Variants in TNR observed in about 807,000 individuals in gnomAD.
The protein encoded by TNR is tenascin-R.
A neutral mutation model predicts 150.4 loss-of-function variants in TNR; 45 were observed. The ratio of observed to expected loss-of-function variants is 0.30; its 90% confidence interval spans 0.24 to 0.38. The LOEUF is 0.38. Ranked by LOEUF, TNR falls within the 10% of genes least tolerant of loss-of-function variation. The pLI, the probability that TNR is intolerant of heterozygous loss-of-function variation, is 1.00. For synonymous variants in TNR, 687 were observed against 678.4 expected, an observed-to-expected ratio of 1.01 and a Z score of -0.20; for missense variants, 1,544 against 1,759.1, an observed-to-expected ratio of 0.88 and a Z score of 2.19.
chr1:175,732,559 T>G (rs1667672733), intron 1 of TNR, among the ~76,000 whole-genome samples: 1 of 152,260 alleles, frequency 6.6e-6, no homozygotes, highest in South Asian at 2.1e-4. Flanking sequence ...GTGACTGCTC[T>G]GGTCTTACTT....
At position 175,356,303 on chromosome 1, in the gene TNR, G is replaced by A; in HGVS notation, c.3118+16C>T. ...AGTCCCCAGGGATACGGGTATGTAG[G>A]TGACCATGTACTCACGAGTAGAAAA... On this transcript the variant is annotated intron_variant, in intron 16 of 22. Coordinates refer to ENST00000367674, the MANE Select transcript of TNR (RefSeq NM_003285.3). 6.2e-7 allele frequency: 1 copy of A among 1,613,776 alleles called. No homozygotes were observed. Among genetic ancestry groups the A allele is most frequent in the Non-Finnish European group, 8.5e-7 (1 of 1,179,810 alleles).
intron 1 of TNR, among the ~76,000 whole-genome samples, chr1:175,562,026 G>T (rs1026946896): frequency 2.6e-5 from 4 of 152,100 alleles, no homozygotes; most frequent in Non-Finnish European, 4.4e-5. Context: ...ATGACTTCCT[G>T]CCATCACCTG....
At chr1:175,620,218 A>G (rs553068195) in intron 1 of TNR, among the ~76,000 whole-genome samples, 17 of 152,150 alleles carry the variant, frequency 1.1e-4, no homozygotes, top group Non-Finnish European at 2.1e-4. Flanking sequence ...AGGATAGACA[A>G]AGTGCTTAGT....
intron 1 of TNR, among the ~76,000 whole-genome samples, chr1:175,703,998 T>C (rs1392808061): frequency 6.6e-6 from 1 of 152,222 alleles, no homozygotes; most frequent in East Asian, 1.9e-4. Context: ...CTTTGTGTTA[T>C]CTTATTTTTT....
chr1:175,458,799 A>G (rs972822905), intron 2 of TNR, among the ~76,000 whole-genome samples: 1 of 152,188 alleles, frequency 6.6e-6, no homozygotes, highest in Non-Finnish European at 1.5e-5. Flanking sequence ...CTTAAGAAAA[A>G]ATATTTTGAA....
intron 20 of TNR, among the ~76,000 whole-genome samples, chr1:175,330,998 A>ATTCATTCTTTCT (rs1649722866): frequency 1.2e-4 from 9 of 72,826 alleles, no homozygotes; most frequent in East Asian, 4.9e-4. Context: ...CCTCTTGGTG[A>ATTCATTCTTTCT]TTCTTTCTTT....
intron 1 of TNR, among the ~76,000 whole-genome samples, chr1:175,732,810 C>T (rs1025733123): frequency 2.0e-5 from 3 of 152,230 alleles, no homozygotes; most frequent in African/African-American, 7.2e-5. Flanking sequence ...GGGTTAATAA[C>T]AGCACCTCAT....
At chr1:175,552,140 T>TTGTCC (rs1161803035) in intron 1 of TNR, among the ~76,000 whole-genome samples, 5 of 152,156 alleles carry the variant, frequency 3.3e-5, no homozygotes, top group Non-Finnish European at 7.4e-5. Flanking sequence ...TCTTATAGTA[T>TTGTCC]TGTTTGACTT....
At chr1:175,552,198 T>A (rs1003965) in intron 1 of TNR, among the ~76,000 whole-genome samples, 20,500 of 152,146 alleles carry the variant, frequency 0.13, 1,505 homozygotes, top group Non-Finnish European at 0.17. Context: ...ACTATCTAAT[T>A]TACACAGTAC....
chr1:175,598,635 G>A (rs1246745686), intron 1 of TNR, among the ~76,000 whole-genome samples: 1 of 152,244 alleles, frequency 6.6e-6, no homozygotes, highest in East Asian at 1.9e-4. Context: ...GGTTATGAGT[G>A]TCTAGAACTG....
chr1:175,388,948 C>T (rs1262892129), intron 7 of TNR, among the ~76,000 whole-genome samples: 1 of 152,206 alleles, frequency 6.6e-6, no homozygotes, highest in Non-Finnish European at 1.5e-5. Context: ...TGTCAATATT[C>T]TAGGAGAAAA....
At chr1:175,736,469 C>T (rs867822873) in intron 1 of TNR, among the ~76,000 whole-genome samples, 10 of 151,662 alleles carry the variant, frequency 6.6e-5, no homozygotes, top group African/African-American at 1.7e-4. Flanking sequence ...TGCAGTGAGC[C>T]GAGATTGCGC....
chr1:175,438,039 T>A (rs940144960), intron 2 of TNR, among the ~76,000 whole-genome samples: 3 of 152,208 alleles, frequency 2.0e-5, no homozygotes, highest in African/African-American at 7.2e-5. Context: ...GAGGCCAGCA[T>A]AATCCAGATA....
chr1:175,634,515 G>A (rs993299310), intron 1 of TNR, among the ~76,000 whole-genome samples: 2 of 152,192 alleles, frequency 1.3e-5, no homozygotes, highest in Non-Finnish European at 2.9e-5. Flanking sequence ...ACCCAAGTGC[G>A]TGTGAAGAAT....
At chr1:175,721,599 T>C (rs879820520) in intron 1 of TNR, among the ~76,000 whole-genome samples, 8 of 152,178 alleles carry the variant, frequency 5.3e-5, no homozygotes, top group Non-Finnish European at 1.0e-4. Context: ...TGCACTGCCT[T>C]ACTCAGCTCC....
chr1:175,371,044 A>G (rs1403591165), intron 9 of TNR, among the ~76,000 whole-genome samples: 1 of 148,910 alleles, frequency 6.7e-6, no homozygotes, highest in African/African-American at 2.5e-5. Flanking sequence ...GCTCTTTGCC[A>G]GCAGGTTAGA....
chr1:175,722,680 G>A lies in TNR; in HGVS notation c.-165+20546C>T, dbSNP rs930353054. Among the ~76,000 whole-genome samples, 2 of 152,006 alleles carry A rather than the reference G, an allele frequency of 1.3e-5. 1 individual carries two copies. The highest frequency in any genetic ancestry group is 1.3e-4 in the Admixed American group (2 of 15,250). On this transcript the variant is annotated intron_variant, in intron 1 of 22. Transcript: ENST00000367674. Reference sequence around the variant, plus strand: ...GGGTTTCACCACGTTGCTCACACTGGTCTTGAACTCCTGAGCTCAAGCAAT... The same window carrying A: ...GGGTTTCACCACGTTGCTCACACTGATCTTGAACTCCTGAGCTCAAGCAAT...
At chr1:175,594,857 T>TAA (rs1174868287) in intron 1 of TNR, among the ~76,000 whole-genome samples, 173 of 103,002 alleles carry the variant, frequency 1.7e-3, no homozygotes, top group African/African-American at 4.3e-3. Flanking sequence ...ACCTTGTTTC[T>TAA]AAAAAAAAAA....
intron 1 of TNR, among the ~76,000 whole-genome samples, chr1:175,708,486 T>G (rs1459680167): frequency 6.6e-6 from 1 of 152,226 alleles, no homozygotes; most frequent in East Asian, 1.9e-4. Context: ...GAGTATATCC[T>G]CGCACTTTAT....
Sources: gnomAD v4.1 joint callset for allele counts (sites outside exome capture counted in the v4.1 genomes callset) on GRCh38, gnomAD v4.1.1 for gene constraint, MANE v1.5 for transcripts, NCBI Gene and HGNC (gene_info 2026-07-23, HGNC 2026-07-21) for gene names.